The following ZNG1A variants were observed in gnomAD, a reference collection of about 807,000 sequenced individuals.
ZNG1A encodes Zn regulated GTPase metalloprotein activator 1A.
the ZNG1A span, among the ~76,000 whole-genome samples, chr9:175,015 G>C: frequency 6.6e-6 from 1 of 152,020 alleles, no homozygotes; most frequent in East Asian, 1.9e-4. Context: ...ACTAATAACA[G>C]AAGCATTTTC....
At chr9:172,276 C>G in the ZNG1A span, 1 of 1,449,162 alleles carries the variant, frequency 6.9e-7, no homozygotes, top group South Asian at 1.3e-5. Flanking sequence ...CAAAAGTACC[C>G]TTGGGAATGT....
chr9:170,177 C>A, the ZNG1A span, among the ~76,000 whole-genome samples: 1 of 149,090 alleles, frequency 6.7e-6, no homozygotes, highest in Non-Finnish European at 1.5e-5. Flanking sequence ...TTAAAAACAG[C>A]TTGCTTGACC....
At chr9:161,536 A>G in the ZNG1A span, 2 of 1,279,078 alleles carry the variant, frequency 1.6e-6, no homozygotes, top group South Asian at 1.2e-5. Context: ...ACTAATTTTT[A>G]AACACTGAAT....
chr9:124,669 C>T, the ZNG1A span, among the ~76,000 whole-genome samples: 1,718 of 112,890 alleles, frequency 0.015, no homozygotes, highest in East Asian at 0.1. Flanking sequence ...GCAGTATACA[C>T]TGCACCCAAT....
chr9:161,610 T>TG, the ZNG1A span: 3 of 1,286,440 alleles, frequency 2.3e-6, no homozygotes, highest in Non-Finnish European at 3.0e-6. Flanking sequence ...AACGGGTCAG[T>TG]GGGTGGGATG....
chr9:142,758 G>A, the ZNG1A span, among the ~76,000 whole-genome samples: 1 of 145,832 alleles, frequency 6.9e-6, no homozygotes, highest in African/African-American at 2.6e-5. Context: ...TCCAGGAGCT[G>A]GTTTTTTGAA....
the ZNG1A span, among the ~76,000 whole-genome samples, chr9:142,802 C>A: frequency 0.23 from 30,867 of 133,786 alleles, 3,774 homozygotes; most frequent in Middle Eastern, 0.28. Context: ...GCTAGCAAGA[C>A]TAATAAAGAA....
chr9:159,434 T>C, the ZNG1A span, among the ~76,000 whole-genome samples: 2 of 152,188 alleles, frequency 1.3e-5, no homozygotes, highest in East Asian at 3.9e-4. Context: ...TAACTGTTCT[T>C]ACCACCCCCT....
chr9:174,134 G>A, the ZNG1A span, among the ~76,000 whole-genome samples: 1,054 of 145,744 alleles, frequency 7.2e-3, 5 homozygotes, highest in Non-Finnish European at 0.011. Flanking sequence ...GCAACACAGC[G>A]AGACTCCATC....
chr9:157,581 T>C, the ZNG1A span, among the ~76,000 whole-genome samples: 29 of 147,736 alleles, frequency 2.0e-4, no homozygotes, highest in South Asian at 2.0e-3. Flanking sequence ...TTTTCATTTA[T>C]AAAGGAAGAA....
the ZNG1A span, chr9:153,873 G>A: frequency 1.9e-4 from 29 of 151,940 alleles, no homozygotes; most frequent in Admixed American, 7.9e-4. Flanking sequence ...GAGCCATCAC[G>A]CTCAAAGCAT....
chr9:159,804 A>T, the ZNG1A span, among the ~76,000 whole-genome samples: 1 of 152,096 alleles, frequency 6.6e-6, no homozygotes, highest in Non-Finnish European at 1.5e-5. Flanking sequence ...TGTCATTTTT[A>T]AAAAGCAGCA....
At chr9:158,739 G>A in the ZNG1A span, among the ~76,000 whole-genome samples, 2 of 150,978 alleles carry the variant, frequency 1.3e-5, no homozygotes, top group Non-Finnish European at 3.0e-5. Flanking sequence ...ATGAGAGCCT[G>A]CCAATATTTA....
chr9:144,572 T>C, the ZNG1A span, among the ~76,000 whole-genome samples: 997 of 151,470 alleles, frequency 6.6e-3, 2 homozygotes, highest in Non-Finnish European at 0.011. Context: ...CTTAAACGTT[T>C]GACCTAAAAC....
chr9:141,528 G>C, the ZNG1A span, among the ~76,000 whole-genome samples: 6 of 149,382 alleles, frequency 4.0e-5, no homozygotes, highest in African/African-American at 1.5e-4. Flanking sequence ...CCCTACAAGA[G>C]CTCCTGAAGG....
At chr9:154,839 T>C in the ZNG1A span, 6 of 1,402,926 alleles carry the variant, frequency 4.3e-6, no homozygotes, top group South Asian at 2.4e-5. Flanking sequence ...TTAAATAATA[T>C]ACACGCATGC....
chr9:158,950 A>C, the ZNG1A span, among the ~76,000 whole-genome samples: 1 of 152,152 alleles, frequency 6.6e-6, no homozygotes, highest in Admixed American at 6.5e-5. Context: ...GTATAAAATC[A>C]ATGTCTTCTA....
At chr9:139,711 C>T in the ZNG1A span, among the ~76,000 whole-genome samples, 9 of 151,698 alleles carry the variant, frequency 5.9e-5, no homozygotes, top group South Asian at 4.2e-4. Context: ...GCGTGAGAGA[C>T]GCAGAAGACA....
chr9:130,674 T>A, the ZNG1A span, among the ~76,000 whole-genome samples: 1 of 147,046 alleles, frequency 6.8e-6, no homozygotes, highest in African/African-American at 2.6e-5. Flanking sequence ...TTTTAAGCAA[T>A]CCACCCACCT....
Sources: allele counts gnomAD v4.1 joint callset (sites outside exome capture counted in the v4.1 genomes callset), GRCh38; gene constraint gnomAD v4.1.1; transcripts MANE v1.5; gene names NCBI Gene and HGNC (gene_info 2026-07-23, HGNC 2026-07-21).